Variants in C10orf105 observed in about 807,000 individuals in gnomAD.
C10orf105 encodes the protein uncharacterized protein C10orf105.
Under a neutral mutation model 0.6 loss-of-function variants are expected in C10orf105, and 2 were observed. That is an observed-to-expected ratio of 3.18 (90% confidence interval 1.30 to 10.01). The LOEUF is 10.01. Ranked by LOEUF, C10orf105 falls within the 30% of genes most tolerant of loss-of-function variation. C10orf105 has a pLI of 0.04. For missense variants in C10orf105, 209 were observed against 191.4 expected (o/e 1.09, Z -0.54); for synonymous variants, 95 against 82.4 (o/e 1.15, Z -0.83).
upstream of C10orf105, among the ~76,000 whole-genome samples, chr10:71,722,905 G>A (rs1866622972): frequency 1.3e-5 from 2 of 152,326 alleles, no homozygotes; most frequent in South Asian, 2.1e-4. Flanking sequence ...ATGTGCAAGA[G>A]AGGGGCTGTT....
At chr10:71,730,397 C>T in intron 1 of C10orf105, 2 of 1,565,158 alleles carry the variant, frequency 1.3e-6, no homozygotes, top group Admixed American at 3.6e-5. Flanking sequence ...AAGGCGGCCA[C>T]AGTGGGCCAA....
In C10orf105 at chr10:71,713,398, T is replaced by G. The variant is rs1302049478; in HGVS notation, c.*2538A>C. On this transcript the variant is annotated 3_prime_UTR_variant, in exon 2 of 2. Coordinates refer to ENST00000441508, the MANE Select transcript of C10orf105 (RefSeq NM_001164375.3). ...GGGAGGGAGGCCCGGAGTGAATGAG[T>G]CTCTTTACCAACTATGGGGTTTCCG... The G allele has an allele frequency of 1.5e-6, 1 of 676,916 alleles. No homozygotes were observed. Among genetic ancestry groups the G allele is most frequent in the Non-Finnish European group, 2.7e-6 (1 of 373,536 alleles). 41.9% of individuals were successfully genotyped at this position (676,916 alleles called of 1,614,324 possible).
chr10:71,712,571 C>A lies in C10orf105; in HGVS notation c.*3365G>T. On this transcript the variant is annotated 3_prime_UTR_variant, in exon 2 of 2. Coordinates refer to ENST00000441508, the MANE Select transcript of C10orf105 (RefSeq NM_001164375.3). ...GGGCAGATGGGGCGGAACAGGGCAC[C>A]TCTCTGGCCGGTGCCCGGGAGTGTG... is the stretch of plus-strand genomic sequence containing the variant. 1 of 1,468,334 alleles carries A rather than the reference C, an allele frequency of 6.8e-7. No individual in the cohort carries two copies. Among genetic ancestry groups the A allele is most frequent in the Non-Finnish European group, 9.3e-7 (1 of 1,071,480 alleles). The allele number at this position is 1,468,334 out of a possible 1,614,324, so 91.0% of individuals were successfully genotyped here.
At chr10:71,729,204 T>C (rs1866950230) in intron 1 of C10orf105, among the ~76,000 whole-genome samples, 1 of 152,228 alleles carries the variant, frequency 6.6e-6, no homozygotes, top group Non-Finnish European at 1.5e-5. Flanking sequence ...GAGAACTTAG[T>C]GCTGGTAAGC....
At chr10:71,724,501 A>C (rs917695598), upstream of C10orf105, among the ~76,000 whole-genome samples, 1 of 152,162 alleles carries the variant, frequency 6.6e-6, no homozygotes, top group Non-Finnish European at 1.5e-5. Context: ...ACAGGGTTTC[A>C]CCGTGTTAGC....
chr10:71,722,333 A>G (rs1866596273), upstream of C10orf105, among the ~76,000 whole-genome samples: 1 of 152,232 alleles, frequency 6.6e-6, no homozygotes, highest in South Asian at 2.1e-4. Flanking sequence ...CAATACTGGG[A>G]TACCCTACAG....
upstream of C10orf105, among the ~76,000 whole-genome samples, chr10:71,720,834 G>A (rs374673115): frequency 4.6e-5 from 7 of 152,226 alleles, no homozygotes; most frequent in Middle Eastern, 3.2e-3. Flanking sequence ...CCAGAGAGGT[G>A]TGACCTGCCC....
Position 71,725,444 on chromosome 10 carries a change from G to A in C10orf105, c.-5-9102C>T, listed in dbSNP as rs727502925. ...ATGCGAGGGCCCCGGCCCCTGGACC[G>A]GGAGCGGAACTCATCCCACGTGCTG... is the stretch of plus-strand genomic sequence containing the variant. On this transcript the variant is annotated intron_variant, in intron 1 of 1. Coordinates refer to the C10orf105 transcript ENST00000398786. The A allele has an allele frequency of 1.5e-5, 24 of 1,613,888 alleles. No homozygotes were observed. The highest frequency in any genetic ancestry group is 3.3e-5 in the Admixed American group (2 of 59,996).
At position 71,716,571 on chromosome 10, in the gene C10orf105, G is replaced by A. The variant is rs1866253639; in HGVS notation, c.-5-229C>T. On this transcript the variant is annotated intron_variant, in intron 1 of 1. Coordinates refer to ENST00000441508, the MANE Select transcript of C10orf105 (RefSeq NM_001164375.3). ...GGGCCCAAGCTCAGGCCCTCTTCCT[G>A]TTCCACCCTGTGCCCATCTGCCATG... 9.1e-6 allele frequency: 4 copies of A among 441,628 alleles called. No homozygotes were observed. In the East Asian group the frequency reaches 1.1e-4, roughly 12 times the overall value. 27.4% of individuals were successfully genotyped at this position (441,628 alleles called of 1,614,324 possible). A position where few individuals can be genotyped will look rare whatever the true frequency, so the allele number is the denominator to read the frequency against.
intron 1 of C10orf105, chr10:71,725,620 C>T: frequency 7.3e-7 from 1 of 1,366,110 alleles, no homozygotes; most frequent in Non-Finnish European, 9.9e-7. Context: ...TGGGCAGGGC[C>T]ACCACTGATT....
intron 1 of C10orf105, among the ~76,000 whole-genome samples, chr10:71,718,314 C>T (rs1478018828): frequency 4.6e-5 from 7 of 152,210 alleles, no homozygotes; most frequent in African/African-American, 1.7e-4. Flanking sequence ...CTCCTGGCTC[C>T]CTGCGCCCAG....
chr10:71,726,785 C>A (rs1177748399), intron 1 of C10orf105, among the ~76,000 whole-genome samples: 1 of 152,266 alleles, frequency 6.6e-6, no homozygotes, highest in East Asian at 1.9e-4. Flanking sequence ...GGTCTCCAGA[C>A]TTCAGGCTTC....
chr10:71,732,447 A>C (rs1169259214), intron 1 of C10orf105: 1 of 1,536,866 alleles, frequency 6.5e-7, no homozygotes, highest in South Asian at 1.2e-5. Context: ...TTCTGTGTGC[A>C]CAGCACTCTC....
intron 1 of C10orf105, among the ~76,000 whole-genome samples, chr10:71,731,306 TC>T (rs1564763223): frequency 1.3e-5 from 2 of 152,132 alleles, no homozygotes; most frequent in Non-Finnish European, 2.9e-5. Flanking sequence ...CTCTGGTGGC[TC>T]CCAACTCCTC....
At chr10:71,732,669 T>TCCCTGTAACACATCCATTTTCATA in intron 1 of C10orf105, 1 of 1,367,480 alleles carries the variant, frequency 7.3e-7, no homozygotes, top group Non-Finnish European at 9.4e-7. Flanking sequence ...GAGATCAATA[T>TCCCTGTAACACATCCATTTTCATA]CCCTGTAACA....
At chr10:71,717,110 A>G (rs1171866479) in intron 1 of C10orf105, 1 of 152,252 alleles carries the variant, frequency 6.6e-6, no homozygotes, top group Non-Finnish European at 1.5e-5. Context: ...TGCTCCCACG[A>G]CAGGTGGGAA....
At chr10:71,719,218 C>T (rs1358309002) in intron 1 of C10orf105, among the ~76,000 whole-genome samples, 1 of 152,212 alleles carries the variant, frequency 6.6e-6, no homozygotes, top group Non-Finnish European at 1.5e-5. Flanking sequence ...CTGCCAGGCC[C>T]CTTGACACCC....
rs934484828 is a variant in C10orf105 at position 71,715,781 on chromosome 10, C to T, written c.*155G>A. ...TCTGAGGATCATCTTTGGGAAAGGG[C>T]GCTGGCCTGGGCATGCAAGGAGCTT... On this transcript the variant is annotated 3_prime_UTR_variant, in exon 2 of 2. Coordinates refer to ENST00000441508, the MANE Select transcript of C10orf105 (RefSeq NM_001164375.3). The T allele has an allele frequency of 4.9e-5, 31 of 629,308 alleles. No individual in the cohort carries two copies. Among genetic ancestry groups the T allele is most frequent in the Middle Eastern group, 5.7e-4 (2 of 3,512 alleles). The allele number at this position is 629,308 out of a possible 1,614,324, so 39.0% of individuals were successfully genotyped here.
At position 71,731,952 on chromosome 10, in the gene C10orf105, A is replaced by C. The variant is rs780429577; in HGVS notation, c.-6+5776T>G. The C allele has an allele frequency of 1.0e-5, 16 of 1,599,674 alleles. No homozygotes were observed. In the Admixed American group the frequency reaches 1.2e-4, roughly 12 times the overall value. On this transcript the variant is annotated intron_variant, in intron 1 of 1. Transcript: ENST00000398786. ...CCACAGCGCAGCCCCACTCAGTTCT[A>C]TCTGGGACTGCACAGCCTCTGTGTC...
Sources: gnomAD v4.1 joint callset for allele counts (sites outside exome capture counted in the v4.1 genomes callset) on GRCh38, gnomAD v4.1.1 for gene constraint, MANE v1.5 for transcripts, NCBI Gene and HGNC (gene_info 2026-07-23, HGNC 2026-07-21) for gene names.